Variants in GARS1 observed in about 807,000 individuals in gnomAD.
The protein encoded by GARS1 is glycine--tRNA ligase.
GARS1 carries 46 observed loss-of-function variants against 86.4 expected under a neutral mutation model. The ratio of observed to expected loss-of-function variants is 0.53; its 90% CI spans 0.42 to 0.68. The LOEUF (loss-of-function observed/expected upper bound fraction) is 0.68. Ranked by LOEUF, GARS1 falls within the 30% of genes least tolerant of loss-of-function variation. The pLI is 0.00. For missense variants in GARS1, 797 were observed against 915.6 expected, an observed-to-expected ratio of 0.87 and a Z score of 1.67; for synonymous variants, 342 against 329.8, an observed-to-expected ratio of 1.04 and a Z score of -0.40.
chr7:30,621,520 C>T lies in GARS1; in HGVS notation c.1467+20C>T. 3.2e-6 allele frequency: 5 copies of T among 1,570,978 alleles called. No individual in the cohort carries two copies. Among genetic ancestry groups the T allele is most frequent in the Non-Finnish European group, 4.4e-6 (5 of 1,140,686 alleles). ...GAACCCATATCCTTTCTGGTCACTCCAAAAACTCAGGATTCACATGTGAAC... is the reference window on the plus strand; with the variant it reads ...GAACCCATATCCTTTCTGGTCACTCTAAAAACTCAGGATTCACATGTGAAC... On this transcript the variant is annotated intron_variant, in intron 11 of 16. Coordinates refer to ENST00000389266, the MANE Select transcript of GARS1 (RefSeq NM_002047.4).
chr7:30,617,361 T>G, intron 10 of GARS1, 83 bp downstream of exon 10: 1 of 1,452,618 alleles, frequency 6.9e-7, no homozygotes, highest in Non-Finnish European at 9.5e-7. Flanking sequence ...GTGCACTTTA[T>G]GTCACAGAGG....
chr7:30,605,181 G>A (rs1012021303), intron 6 of GARS1, among the ~76,000 whole-genome samples: 2 of 152,198 alleles, frequency 1.3e-5, no homozygotes, highest in African/African-American at 2.4e-5. Context: ...CTGCACCTTA[G>A]TGTCTGACTC....
In GARS1 at chr7:30,621,470, A is replaced by G; in HGVS notation, c.1437A>G (p.Pro479=). 6.2e-7 allele frequency: 1 copy of G among 1,614,154 alleles called. No homozygotes were observed. The highest frequency in any genetic ancestry group is 8.5e-7 in the Non-Finnish European group (1 of 1,180,004). Residue 479 remains proline (P), a synonymous_variant, in exon 11 of 17, where the codon CCA becomes CCG. Coordinates refer to ENST00000389266, the MANE Select transcript of GARS1 (RefSeq NM_002047.4). ...LSCHARATKV[P]LVAEKPLKEP... ...GTCATGCACGAGCCACCAAAGTCCC[A>G]CTTGTAGCTGAGAAACCTCTGAAAG...
chr7:30,595,867 C>CTAA, intron 1 of GARS1: 1 of 471,124 alleles, frequency 2.1e-6, no homozygotes, highest in South Asian at 1.5e-5. Context: ...ACCTGGGAAA[C>CTAA]TAAGTGTTGC....
intron 11 of GARS1, 161 bp from the exon 12 acceptor site, chr7:30,622,156 G>A (rs1246354416): frequency 1.3e-6 from 1 of 752,454 alleles, no homozygotes; most frequent in East Asian, 2.7e-5. Flanking sequence ...GAATGATTTT[G>A]TGGACAGGTG....
rs1222086626 is a variant in GARS1 at position 30,626,270 on chromosome 7, G to A, written c.1650G>A (p.Gln550=). 1.9e-6 allele frequency: 3 copies of A among 1,608,198 alleles called. No homozygotes were observed. In the East Asian group the frequency reaches 6.7e-5, roughly 36 times the overall value. ...FTIETEGKTF[Q]LTKDMINVKR... ...TTGAAACTGAAGGGAAAACATTTCA[G>A]TTAACAAAAGACATGATCAATGTGA... The change falls in exon 13 of 17, where the codon CAG becomes CAA. Residue 550 remains glutamine, a synonymous_variant. Coordinates refer to ENST00000389266, the MANE Select transcript of GARS1 (RefSeq NM_002047.4).
intron 12 of GARS1, among the ~76,000 whole-genome samples, chr7:30,625,597 A>G (rs1247100131): frequency 6.6e-6 from 1 of 152,232 alleles, no homozygotes; most frequent in East Asian, 1.9e-4. Flanking sequence ...TATTACATGA[A>G]GCTCTTTATA....
intron 13 of GARS1, among the ~76,000 whole-genome samples, chr7:30,627,928 A>G (rs1416093271): frequency 2.0e-5 from 3 of 152,242 alleles, no homozygotes; most frequent in Non-Finnish European, 2.9e-5. Context: ...GAGGCAGGTA[A>G]TAGAGATAAA....
rs900145800 is a variant in GARS1 at position 30,632,879 on chromosome 7, A to G, written c.2094+442A>G. 2.0e-5 allele frequency among the ~76,000 whole-genome samples: 3 copies of G among 152,232 alleles called. No individual in the cohort carries two copies. Among genetic ancestry groups the G allele is most frequent in the African/African-American group, 7.2e-5 (3 of 41,468 alleles). ...TCATGTTTCAGTAGTTTTGGTCAAT[A>G]GGAAGGCAGTAATGGAGATGGTAGA... On this transcript the variant is annotated intron_variant, in intron 16 of 16. Transcript: ENST00000389266. The surrounding 1 kb of genome is among the most constrained non-coding windows in gnomAD (Gnocchi z 4.1).
chr7:30,596,824 A>T (rs1791258785), intron 1 of GARS1, among the ~76,000 whole-genome samples: 1 of 152,242 alleles, frequency 6.6e-6, no homozygotes, highest in Non-Finnish European at 1.5e-5. Flanking sequence ...AAGATGATCT[A>T]ATTTTACCCA....
rs764306336 is a variant in GARS1 at position 30,633,778 on chromosome 7, A to G, written c.2138A>G (p.Asn713Ser). ...ATAGTCCAAGACCTAGCCAATGGCA[A>G]CATCACATGGGCTGATGTGGAGGCC... ...PSIVQDLANG[N>S]ITWADVEARY... Residue 713 changes from asparagine (N) to serine (S), a missense_variant, in exon 17 of 17, where the codon AAC becomes AGC. Coordinates refer to ENST00000389266, the MANE Select transcript of GARS1 (RefSeq NM_002047.4). 2.5e-6 allele frequency: 4 copies of G among 1,614,060 alleles called. No individual in the cohort carries two copies. In the South Asian group the frequency reaches 4.4e-5, roughly 18 times the overall value.
intron 6 of GARS1, among the ~76,000 whole-genome samples, chr7:30,604,855 A>C (rs886616555): frequency 6.6e-6 from 1 of 152,192 alleles, no homozygotes; most frequent in South Asian, 2.1e-4. Flanking sequence ...TTTTAGATTT[A>C]CTGAGGTTTT....
At position 30,632,421 on chromosome 7, in the gene GARS1, G is replaced by A. The variant is rs761396453; in HGVS notation, c.2078G>A (p.Arg693Gln). 1.9e-5 allele frequency: 30 copies of A among 1,613,988 alleles called. No individual in the cohort carries two copies. The highest frequency in any genetic ancestry group is 2.5e-5 in the Non-Finnish European group (29 of 1,180,012). ...ACTCTGAGGGACCGTGACTCAATGC[G>A]GCAGATAAGAGCAGAGGTATCTGGC... is the stretch of plus-strand genomic sequence containing the variant. Reference protein sequence around the residue: ...TATLRDRDSMRQIRAEISELP... With the variant: ...TATLRDRDSMQQIRAEISELP... Residue 693 changes from arginine (R) to glutamine (Q), a missense_variant, in exon 16 of 17, where the codon CGG (arginine) becomes CAG (glutamine). This residue lies in a region of GARS1 where 598 missense variants were observed against 738.7 expected (regional missense o/e 0.81). Transcript: ENST00000389266. This position sits in a 1 kb window ranked among gnomAD's most constrained non-coding sequence, Gnocchi z 4.1.
Position 30,603,493 on chromosome 7 carries a change from C to G in GARS1, c.659-3C>G. The G allele has an allele frequency of 6.2e-7, 1 of 1,611,084 alleles. No individual in the cohort carries two copies. The highest frequency in any genetic ancestry group is 8.5e-7 in the Non-Finnish European group (1 of 1,177,652). On this transcript the variant is annotated splice_polypyrimidine_tract_variant and splice_region_variant and intron_variant, in intron 5 of 16. Transcript: ENST00000389266. ...TTGATATATGTCAACACTGTTCTTA[C>G]AGCTCATTTACAGAAATTGATGTCT...
At chr7:30,623,085 A>G (rs1034654034) in intron 12 of GARS1, among the ~76,000 whole-genome samples, 12 of 147,360 alleles carry the variant, frequency 8.1e-5, no homozygotes, top group African/African-American at 2.8e-4. Flanking sequence ...TGGGCAACAG[A>G]GTGAGACTCC....
intron 1 of GARS1, among the ~76,000 whole-genome samples, chr7:30,597,966 G>C (rs933846591): frequency 6.6e-6 from 1 of 152,176 alleles, no homozygotes; most frequent in Non-Finnish European, 1.5e-5. Flanking sequence ...AGTATAAGTT[G>C]TTGGAAGTTA....
intron 8 of GARS1, among the ~76,000 whole-genome samples, chr7:30,613,577 G>A (rs1782822428): frequency 6.6e-6 from 1 of 152,214 alleles, no homozygotes; most frequent in Non-Finnish European, 1.5e-5. Flanking sequence ...CAGTGTCTGG[G>A]GCCTGTGCAG....
chr7:30,628,425 T>C, intron 13 of GARS1, 135 bp from the exon 14 acceptor site: 1 of 632,096 alleles, frequency 1.6e-6, no homozygotes, highest in South Asian at 1.4e-5. Flanking sequence ...CCTCAGATGA[T>C]CCACCTACCT....
At chr7:30,619,507 T>C (rs1301649158) in intron 10 of GARS1, among the ~76,000 whole-genome samples, 1 of 152,186 alleles carries the variant, frequency 6.6e-6, no homozygotes, top group Admixed American at 6.5e-5. Context: ...AATTTTACCT[T>C]TCAGTACATA....
Sources: allele counts gnomAD v4.1 joint callset (sites outside exome capture counted in the v4.1 genomes callset), GRCh38; gene constraint gnomAD v4.1.1; regional missense constraint gnomAD v4.1.1; non-coding constraint Gnocchi (gnomAD v3.1); transcripts MANE v1.5; gene names NCBI Gene and HGNC (gene_info 2026-07-23, HGNC 2026-07-21).